Variants in CNGB1 observed in about 807,000 individuals in gnomAD.
CNGB1 encodes cyclic nucleotide gated channel subunit beta 1.
Under a neutral mutation model 151.7 loss-of-function variants are expected in CNGB1, and 126 were observed. The observed-to-expected ratio is 0.83, with a 90% CI of 0.72 to 0.96. CNGB1 has a LOEUF of 0.96. Among genes scored for constraint, CNGB1 ranks in the 40% least tolerant of loss-of-function variants. The pLI is 0.00. For synonymous variants in CNGB1, 623 were observed against 635.1 expected (o/e 0.98, Z 0.29); for missense variants, 1,698 against 1,627.0 (o/e 1.04, Z -0.75).
At position 57,931,799 on chromosome 16, in the gene CNGB1, A is replaced by G. The variant is rs1961357826; in HGVS notation, c.1452T>C (p.Asn484=). The change falls in exon 17 of 33, where the codon AAT becomes AAC. Residue 484 remains asparagine, a synonymous_variant. Coordinates refer to ENST00000251102, the MANE Select transcript of CNGB1 (RefSeq NM_001297.5). ...ADSCPLMAEE[N]PPSTVLPPPS... Reference sequence around the variant, plus strand: ...GTGGCGGCAACACGGTTGAGGGTGGATTCTCTTCTGCCATGAGGGGGCAGC... The same window carrying G: ...GTGGCGGCAACACGGTTGAGGGTGGGTTCTCTTCTGCCATGAGGGGGCAGC... 2 of 1,614,148 alleles carry G rather than the reference A, an allele frequency of 1.2e-6. No homozygotes were observed. The highest frequency in any genetic ancestry group is 1.3e-5 in the African/African-American group (1 of 75,032).
chr16:57,960,354 G>A, intron 9 of CNGB1, 128 bp downstream of exon 9: 1 of 1,309,950 alleles, frequency 7.6e-7, no homozygotes, highest in South Asian at 1.3e-5. Flanking sequence ...CTCCAGGCAA[G>A]CCCTGAACCC....
intron 14 of CNGB1, 106 bp downstream of exon 14, chr16:57,949,247 A>G: frequency 6.3e-7 from 1 of 1,591,032 alleles, no homozygotes; most frequent in Non-Finnish European, 8.5e-7. Context: ...CACAGCACAG[A>G]ACAACAGAAA....
chr16:57,892,912 C>T (rs1245223372), intron 31 of CNGB1, among the ~76,000 whole-genome samples: 1 of 152,200 alleles, frequency 6.6e-6, no homozygotes, highest in Non-Finnish European at 1.5e-5. Flanking sequence ...TCCCGCTCCT[C>T]CCGTGGCTTT....
intron 14 of CNGB1, 97 bp downstream of exon 14, chr16:57,949,256 A>G: frequency 2.5e-6 from 4 of 1,594,146 alleles, no homozygotes; most frequent in Non-Finnish European, 3.4e-6. Flanking sequence ...GAACAACAGA[A>G]AGGAGCTCCC....
rs201461156 is a variant in CNGB1, at chr16:57,941,836, TTTTA to T, written c.1122-1519_1122-1516del. Among the ~76,000 whole-genome samples the T allele has an allele frequency of 9.7e-3, 1,472 of 152,068 alleles. 27 individuals are homozygous for T. The highest frequency in any genetic ancestry group is 0.034 in the African/African-American group (1,411 of 41,476). ...ACTAGTTATTTATTTTTCTTTTCCT[TTTTA>T]TTTATTTATTTATTTATTCATTTAT... On this transcript the variant is annotated intron_variant, in intron 14 of 32. Coordinates refer to ENST00000251102, the MANE Select transcript of CNGB1 (RefSeq NM_001297.5).
chr16:57,902,997 C>T (rs1448609849), intron 27 of CNGB1, among the ~76,000 whole-genome samples: 1 of 152,044 alleles, frequency 6.6e-6, no homozygotes, highest in Non-Finnish European at 1.5e-5. Context: ...TCTTGTAGCT[C>T]GAGGGATAAA....
In CNGB1 at chr16:57,884,399, G is replaced by A. The variant is rs758143647; in HGVS notation, c.3521C>T (p.Thr1174Met). The change falls in exon 33 of 33, where the codon ACG becomes ATG. Residue 1174 changes from threonine to methionine, a missense_variant. Thr to Met is a moderately conservative substitution (Grantham distance 81, BLOSUM62 -1). Transcript: ENST00000251102. ...EEGSAAPDQH[T>M]HPKEAATDPP... ...GTCGGTGGCGGCCTCCTTTGGGTGCGTGTGCTGGTCTGGGGCGGCGGAGCC... is the reference window on the plus strand; with the variant it reads ...GTCGGTGGCGGCCTCCTTTGGGTGCATGTGCTGGTCTGGGGCGGCGGAGCC... 15 of 1,613,286 alleles carry A rather than the reference G, an allele frequency of 9.3e-6. No individual in the cohort carries two copies. The highest frequency in any genetic ancestry group is 3.3e-5 in the Admixed American group (2 of 59,990).
intron 32 of CNGB1, among the ~76,000 whole-genome samples, chr16:57,887,156 G>T (rs888399578): frequency 2.0e-5 from 3 of 152,194 alleles, no homozygotes; most frequent in African/African-American, 7.2e-5. Context: ...AAAGTGCTGG[G>T]ATTACAAGTG....
intron 25 of CNGB1, among the ~76,000 whole-genome samples, chr16:57,908,176 C>A (rs1182160934): frequency 2.6e-5 from 4 of 152,234 alleles, no homozygotes; most frequent in African/African-American, 9.6e-5. Context: ...CAGATATGAG[C>A]CACCAAAACC....
chr16:57,925,978 G>T (rs561807273), intron 17 of CNGB1, among the ~76,000 whole-genome samples: 2 of 152,236 alleles, frequency 1.3e-5, no homozygotes, highest in East Asian at 3.9e-4. Flanking sequence ...ATGAGCCACC[G>T]CCCCCGGCCA....
chr16:57,893,630 T>C (rs7203532), intron 31 of CNGB1, among the ~76,000 whole-genome samples: 19,983 of 152,078 alleles, frequency 0.13, 2,616 homozygotes, highest in African/African-American at 0.34. Context: ...AAACCCCGTC[T>C]CTACTTAAAA....
chr16:57,958,127 C>T (rs1225753883), intron 11 of CNGB1, among the ~76,000 whole-genome samples: 1 of 152,182 alleles, frequency 6.6e-6, no homozygotes, highest in African/African-American at 2.4e-5. Context: ...AGGCCACCTC[C>T]ACTGGGAAGC....
intron 31 of CNGB1, among the ~76,000 whole-genome samples, chr16:57,896,107 ACC>A (rs1486618956): frequency 6.6e-6 from 1 of 152,192 alleles, no homozygotes; most frequent in African/African-American, 2.4e-5. Flanking sequence ...ATAGGGAGGA[ACC>A]ATCAAAGGAT....
intron 25 of CNGB1, among the ~76,000 whole-genome samples, chr16:57,906,224 T>C (rs1480781505): frequency 6.6e-6 from 1 of 152,200 alleles, no homozygotes; most frequent in Non-Finnish European, 1.5e-5. Context: ...TCTCCAAGCC[T>C]CAGTTTCCTT....
At chr16:57,886,377 T>C (rs1959930316) in intron 32 of CNGB1, among the ~76,000 whole-genome samples, 1 of 152,124 alleles carries the variant, frequency 6.6e-6, no homozygotes, top group South Asian at 2.1e-4. Context: ...ACCCTTGGAG[T>C]TCCTGTCTAG....
chr16:57,912,521 A>T (rs1182411674), intron 24 of CNGB1, among the ~76,000 whole-genome samples: 1 of 152,044 alleles, frequency 6.6e-6, no homozygotes, highest in Non-Finnish European at 1.5e-5. Flanking sequence ...CCTGGAGGTC[A>T]GTGGGGGTAG....
At chr16:57,925,296 C>G (rs1961154276) in intron 17 of CNGB1, among the ~76,000 whole-genome samples, 1 of 152,166 alleles carries the variant, frequency 6.6e-6, no homozygotes, top group Non-Finnish European at 1.5e-5. Context: ...AGCCACCACG[C>G]CCGGCCTCTC....
chr16:57,892,465 G>A (rs888408738), intron 31 of CNGB1, among the ~76,000 whole-genome samples: 1 of 152,140 alleles, frequency 6.6e-6, no homozygotes, highest in African/African-American at 2.4e-5. Context: ...AGAGCAACCA[G>A]GTAAGGTGAG....
At chr16:57,967,924 A>C (rs146921471) in intron 1 of CNGB1, among the ~76,000 whole-genome samples, 288 of 152,270 alleles carry the variant, frequency 1.9e-3, no homozygotes, top group African/African-American at 6.6e-3. Flanking sequence ...CATCAAGAGG[A>C]GACTGGTTAT....
Sources: allele counts gnomAD v4.1 joint callset (sites outside exome capture counted in the v4.1 genomes callset), GRCh38; gene constraint gnomAD v4.1.1; transcripts MANE v1.5; gene names NCBI Gene and HGNC (gene_info 2026-07-23, HGNC 2026-07-21).